NOTCH1: variants seen among roughly 807,000 people sequenced by gnomAD.
NOTCH1 encodes neurogenic locus notch homolog protein 1.
NOTCH1 carries 37 observed loss-of-function variants against 254.8 expected under a neutral mutation model. The ratio of observed to expected loss-of-function variants is 0.15; its 90% CI spans 0.11 to 0.19. NOTCH1 has a LOEUF of 0.19. Ranked by LOEUF, NOTCH1 falls within the 10% of genes least tolerant of loss-of-function variation. The pLI is 1.00. For synonymous variants in NOTCH1, 1,731 were observed against 1,618.1 expected, an observed-to-expected ratio of 1.07 and a Z score of -1.68; for missense variants, 2,972 against 3,708.6, an observed-to-expected ratio of 0.80 and a Z score of 5.16.
At chr9:136,530,938 G>A (rs1843549200) in intron 2 of NOTCH1, among the ~76,000 whole-genome samples, 1 of 152,244 alleles carries the variant, frequency 6.6e-6, no homozygotes, top group African/African-American at 2.4e-5. Flanking sequence ...GCCAGCGCCA[G>A]ACATGCTTCT....
At position 136,515,416 on chromosome 9, in the gene NOTCH1, G is replaced by GT; in HGVS notation, c.1904-17dup. On this transcript the variant is annotated splice_polypyrimidine_tract_variant and intron_variant, in intron 11 of 33. Transcript: ENST00000651671. The stretch of plus-strand genomic sequence containing the variant: ...CAGTTGGGTCCTGAAGGGGTGGCAC[G>GT]TGTCGGTCAGTCCTCAGGCCCGCCC... The GT allele has an allele frequency of 6.2e-7, 1 of 1,612,596 alleles. No individual in the cohort carries two copies. The highest frequency in any genetic ancestry group is 8.5e-7 in the Non-Finnish European group (1 of 1,179,814).
In NOTCH1 at chr9:136,504,873, G is replaced by T; in HGVS notation, c.4818C>A (p.Phe1606Leu). ...TCTGCTGGCCGTGTGCGTCACGCTT[G>T]AAGACCACGTTGGTGTGCAGCACGC... ...LSRVLHTNVV[F>L]KRDAHGQQMI... The change falls in exon 26 of 34, where the codon TTC (phenylalanine) becomes TTA (leucine). Residue 1606 changes from phenylalanine to leucine, a missense_variant. Transcript: ENST00000651671. 6.3e-7 allele frequency: 1 copy of T among 1,584,752 alleles called. No homozygotes were observed. The highest frequency in any genetic ancestry group is 8.6e-7 in the Non-Finnish European group (1 of 1,165,988).
chr9:136,532,313 A>G (rs77834632), intron 2 of NOTCH1, among the ~76,000 whole-genome samples: 1,935 of 152,294 alleles, frequency 0.013, 31 homozygotes, highest in African/African-American at 0.044. Flanking sequence ...AAGGCACTGA[A>G]TAATGCCCAG....
rs200053816 is a variant in NOTCH1 at position 136,503,211 on chromosome 9, T to G, written c.5138A>C (p.Asn1713Thr). ...LGALASLGSL[N>T]IPYKIEAVQS... ...CACGGCCTCGATCTTGTAGGGGATG[T>G]TGAGGCTGCCCAGCGAGGCGAGCGC... Residue 1713 changes from asparagine (N) to threonine (T), a missense_variant, in exon 27 of 34, where the codon AAC becomes ACC. Physicochemically the swap from Asn to Thr is moderately conservative, Grantham distance 65. Transcript: ENST00000651671. The G allele has an allele frequency of 6.2e-7, 1 of 1,612,846 alleles. No individual in the cohort carries two copies. The highest frequency in any genetic ancestry group is 8.5e-7 in the Non-Finnish European group (1 of 1,180,002).
intron 2 of NOTCH1, among the ~76,000 whole-genome samples, chr9:136,527,657 C>T (rs1261507969): frequency 1.3e-5 from 2 of 152,324 alleles, no homozygotes; most frequent in African/African-American, 4.8e-5. Context: ...CGGGCTCCCA[C>T]GGAGGAGACC....
In NOTCH1 at chr9:136,504,461, C is replaced by T. The variant is rs115800353; in HGVS notation, c.5018+212G>A. On this transcript the variant is annotated intron_variant, in intron 26 of 33. Transcript: ENST00000651671. Reference sequence around the variant, plus strand: ...GCAGTGGCCCAGGAAAAGGGTGTGGCTGTGGGGTCAGGGCCCTGAGCTGGA... The same window carrying T: ...GCAGTGGCCCAGGAAAAGGGTGTGGTTGTGGGGTCAGGGCCCTGAGCTGGA... 3.1e-3 allele frequency among the ~76,000 whole-genome samples: 478 copies of T among 152,346 alleles called. 1 individual carries two copies. Among genetic ancestry groups the T allele is most frequent in the African/African-American group, 0.011 (457 of 41,578 alleles).
rs775407579 is a variant in NOTCH1, at chr9:136,499,009, A to C, written c.6083-13T>G. 1.2e-6 allele frequency: 2 copies of C among 1,613,212 alleles called. No homozygotes were observed. Among genetic ancestry groups the C allele is most frequent in the Non-Finnish European group, 1.7e-6 (2 of 1,180,006 alleles). On this transcript the variant is annotated splice_polypyrimidine_tract_variant and intron_variant, in intron 32 of 33. Coordinates refer to ENST00000651671, the MANE Select transcript of NOTCH1 (RefSeq NM_017617.5). ...AGGGCGGACTTGCCTGCGTGAAAGA[A>C]GCAGATGGGGTAGGTTGGAGACCAG...
chr9:136,523,474 G>C lies in NOTCH1; in HGVS notation c.403+243C>G, dbSNP rs145871600. 6.7e-3 allele frequency among the ~76,000 whole-genome samples: 1,027 copies of C among 152,294 alleles called. 12 individuals are homozygous for C. The highest frequency in any genetic ancestry group is 0.023 in the African/African-American group (971 of 41,550). ...CGGCAGGAGGAAGGGGGCAGGGGCGGCCTGGACACAGAGGCTCCCCTTGTC... is the reference window on the plus strand; with the variant it reads ...CGGCAGGAGGAAGGGGGCAGGGGCGCCCTGGACACAGAGGCTCCCCTTGTC... On this transcript the variant is annotated intron_variant, in intron 3 of 33. Coordinates refer to ENST00000651671, the MANE Select transcript of NOTCH1 (RefSeq NM_017617.5).
intron 13 of NOTCH1, 78 bp downstream of exon 13, chr9:136,514,432 T>C (rs1384059914): frequency 2.0e-5 from 29 of 1,465,692 alleles, no homozygotes; most frequent in Non-Finnish European, 2.7e-5. Context: ...TCAAGCTCTG[T>C]GCAGGTGCCA....
intron 2 of NOTCH1, among the ~76,000 whole-genome samples, chr9:136,534,155 G>A (rs1366212266): frequency 2.0e-5 from 3 of 152,214 alleles, no homozygotes; most frequent in Non-Finnish European, 4.4e-5. Context: ...GCATCCTGCA[G>A]GGCCGCTGCA....
chr9:136,499,582 C>G (rs1239880315), intron 31 of NOTCH1, among the ~76,000 whole-genome samples: 1 of 152,216 alleles, frequency 6.6e-6, no homozygotes, highest in Non-Finnish European at 1.5e-5. Flanking sequence ...GTCCCTGCCC[C>G]CAACGGCGGT....
intron 16 of NOTCH1, 135 bp from the exon 17 acceptor site, chr9:136,510,940 C>A: frequency 7.1e-7 from 1 of 1,401,050 alleles, no homozygotes; most frequent in East Asian, 2.4e-5. Flanking sequence ...CATCCCCTCT[C>A]CCCTAATTTT....
chr9:136,501,712 C>T (rs781415954), intron 30 of NOTCH1, 36 bp downstream of exon 30: 12 of 1,606,106 alleles, frequency 7.5e-6, no homozygotes, highest in South Asian at 2.2e-5. Context: ...AGGTGGGCCA[C>T]GGGGCTAGGG....
chr9:136,528,002 G>A (rs1843495283), intron 2 of NOTCH1, among the ~76,000 whole-genome samples: 3 of 152,154 alleles, frequency 2.0e-5, no homozygotes, highest in Admixed American at 2.0e-4. Flanking sequence ...GGAGGCAGAT[G>A]CTGCCGAGAC....
chr9:136,531,949 G>C (rs1006174050), intron 2 of NOTCH1, among the ~76,000 whole-genome samples: 1 of 152,214 alleles, frequency 6.6e-6, no homozygotes, highest in East Asian at 1.9e-4. Context: ...CCTCCTCTCG[G>C]AACACCGCTC....
At position 136,513,157 on chromosome 9, in the gene NOTCH1, C is replaced by A. The variant is rs369960975; in HGVS notation, c.2354-23G>T. ...GACCTGGAGGGAAGGGGACAGCACT[C>A]GGCATGTCCAGCACTCCCAGGCACC... On this transcript the variant is annotated intron_variant, in intron 14 of 33. Transcript: ENST00000651671. The surrounding 1 kb of genome is among the most constrained non-coding windows in gnomAD (Gnocchi z 4.7). The A allele has an allele frequency of 6.3e-7, 1 of 1,584,724 alleles. No homozygotes were observed. The highest frequency in any genetic ancestry group is 2.2e-5 in the East Asian group (1 of 44,704).
chr9:136,526,235 G>A lies in NOTCH1; in HGVS notation c.141-2256C>T, dbSNP rs572587438. On this transcript the variant is annotated intron_variant, in intron 2 of 33. Transcript: ENST00000651671. ...CCGCTGGGAACCCGTGGAGTGCACA[G>A]GCTGGGCTGGGCTGGGCTGTGGCCA... Among the ~76,000 whole-genome samples the A allele has an allele frequency of 1.5e-4, 23 of 152,232 alleles. 1 individual carries two copies. Among genetic ancestry groups the A allele is most frequent in the African/African-American group, 4.8e-4 (20 of 41,448 alleles).
At chr9:136,541,833 G>A (rs987159122) in intron 2 of NOTCH1, among the ~76,000 whole-genome samples, 6 of 152,368 alleles carry the variant, frequency 3.9e-5, no homozygotes, top group East Asian at 3.9e-4. Context: ...GCCTGAGGAC[G>A]CGCTTCCGTC....
chr9:136,520,756 C>T (rs1843354465), intron 4 of NOTCH1, among the ~76,000 whole-genome samples: 1 of 151,820 alleles, frequency 6.6e-6, no homozygotes, highest in Non-Finnish European at 1.5e-5. Flanking sequence ...AAATTCAGAG[C>T]CTGGAGCCTG....
Sources: allele counts gnomAD v4.1 joint callset (sites outside exome capture counted in the v4.1 genomes callset), GRCh38; gene constraint gnomAD v4.1.1; non-coding constraint Gnocchi (gnomAD v3.1); transcripts MANE v1.5; gene names NCBI Gene and HGNC (gene_info 2026-07-23, HGNC 2026-07-21).